The following LRRIQ3 variants were observed in gnomAD, a reference collection of about 807,000 sequenced individuals.
LRRIQ3 encodes the protein leucine-rich repeat and IQ domain-containing protein 3.
Under a neutral mutation model 59.3 loss-of-function variants are expected in LRRIQ3, and 75 were observed. The observed-to-expected ratio is 1.26, with a 90% CI of 1.05 to 1.53. The LOEUF (loss-of-function observed/expected upper bound fraction) is 1.53, where lower values mean the gene tolerates loss of function less well. LRRIQ3 is among the 40% of genes most tolerant of loss of function. The pLI is 0.00. For missense variants in LRRIQ3, 831 were observed against 710.0 expected, an observed-to-expected ratio of 1.17 and a Z score of -1.94; for synonymous variants, 250 against 231.3, an observed-to-expected ratio of 1.08 and a Z score of -0.73.
At chr1:74,186,829 G>T (rs1365865362) in intron 1 of LRRIQ3, among the ~76,000 whole-genome samples, 1 of 151,936 alleles carries the variant, frequency 6.6e-6, no homozygotes, top group African/African-American at 2.4e-5. Flanking sequence ...AAGTACTAGT[G>T]TAATTAAGGA....
chr1:74,055,180 T>TTATATATATATATATATATA (rs57279520), intron 6 of LRRIQ3, among the ~76,000 whole-genome samples: 2 of 139,970 alleles, frequency 1.4e-5, no homozygotes, highest in African/African-American at 5.3e-5. Context: ...CATATACACT[T>TTATATATATATATATATATA]TATATATATA....
In LRRIQ3 at chr1:74,110,759, A is replaced by C. The variant is rs75435938; in HGVS notation, c.708-1206T>G. ...TCCTTCATTCAAAATATTTGTATTA[A>C]TGACATACAAATTAGTTAAGGTAAA... On this transcript the variant is annotated intron_variant, in intron 4 of 7. Transcript: ENST00000354431. Among the ~76,000 whole-genome samples, 1,094 of 152,180 alleles carry C rather than the reference A, an allele frequency of 7.2e-3. 13 individuals are homozygous for C. The highest frequency in any genetic ancestry group is 0.025 in the African/African-American group (1,042 of 41,560).
intron 4 of LRRIQ3, among the ~76,000 whole-genome samples, chr1:74,116,472 G>T (rs1042933020): frequency 6.6e-6 from 1 of 151,716 alleles, no homozygotes; most frequent in African/African-American, 2.4e-5. Flanking sequence ...AATAACTTCA[G>T]CAATTTCAGA....
chr1:74,142,531 TAGCCA>T (rs1418895284), intron 4 of LRRIQ3, among the ~76,000 whole-genome samples: 1 of 151,980 alleles, frequency 6.6e-6, no homozygotes, highest in Non-Finnish European at 1.5e-5. Context: ...TTCGAGTAGG[TAGCCA>T]AAGCCTATGT....
chr1:74,121,007 C>T (rs1646847071), intron 4 of LRRIQ3, among the ~76,000 whole-genome samples: 1 of 152,032 alleles, frequency 6.6e-6, no homozygotes, highest in African/African-American at 2.4e-5. Flanking sequence ...TTTTATTACC[C>T]TGTCATGTAT....
chr1:74,059,191 A>T (rs1159864992), intron 6 of LRRIQ3, among the ~76,000 whole-genome samples: 2 of 151,806 alleles, frequency 1.3e-5, no homozygotes, highest in Non-Finnish European at 2.9e-5. Context: ...AAAGTGGTTT[A>T]TTTTTTCAAC....
intron 4 of LRRIQ3, among the ~76,000 whole-genome samples, chr1:74,152,019 A>G (rs1648020519): frequency 1.3e-5 from 2 of 152,320 alleles, no homozygotes; most frequent in African/African-American, 4.8e-5. Context: ...AAGAAAGTAA[A>G]GAGCATAACA....
chr1:74,090,316 C>T (rs1191049646), intron 5 of LRRIQ3, among the ~76,000 whole-genome samples: 1 of 102,652 alleles, frequency 9.7e-6, no homozygotes, highest in Non-Finnish European at 2.2e-5. Context: ...AATAAAAAAT[C>T]TACAAAATAG....
At chr1:74,164,372 A>G (rs917541142) in intron 3 of LRRIQ3, among the ~76,000 whole-genome samples, 2 of 151,516 alleles carry the variant, frequency 1.3e-5, no homozygotes, top group Admixed American at 1.3e-4. Flanking sequence ...ATTTGGACAC[A>G]AACACTTTCA....
rs534432424 is a variant in LRRIQ3 at position 74,144,480 on chromosome 1, T to G, written c.707+11253A>C. On this transcript the variant is annotated intron_variant, in intron 4 of 7. Transcript: ENST00000354431. ...CAACTTAAAAATTAGAAAAAAAATGTTTTTTTTTTCTCGCTTTCTTGGACA... is the reference window on the plus strand; with the variant it reads ...CAACTTAAAAATTAGAAAAAAAATGGTTTTTTTTTCTCGCTTTCTTGGACA... 48 of 330,956 alleles carry G rather than the reference T, an allele frequency of 1.5e-4. No individual in the cohort carries two copies. The East Asian group carries it at 3.1e-3, about 21-fold the overall frequency. 20.5% of individuals were successfully genotyped at this position (330,956 alleles called of 1,614,324 possible).
chr1:74,071,129 T>G (rs1459622146), intron 6 of LRRIQ3, among the ~76,000 whole-genome samples: 1 of 151,840 alleles, frequency 6.6e-6, no homozygotes, highest in African/African-American at 2.4e-5. Flanking sequence ...TTTGTATGTA[T>G]ATATAACTAT....
In LRRIQ3 at chr1:74,084,751, C is replaced by A. The variant is rs919042459; in HGVS notation, c.868-9961G>T. 2.0e-5 allele frequency among the ~76,000 whole-genome samples: 3 copies of A among 151,452 alleles called. No homozygotes were observed. In the Admixed American group the frequency reaches 2.0e-4, roughly 10 times the overall value. ...TTAATAGTAGTAAAAAGGAATATGC[C>A]GTAAAAAGTTGTTTATCCACCAAAA... On this transcript the variant is annotated intron_variant, in intron 5 of 7. Coordinates refer to ENST00000354431, the MANE Select transcript of LRRIQ3 (RefSeq NM_001105659.2).
chr1:74,093,403 A>G (rs1324908973), intron 5 of LRRIQ3, among the ~76,000 whole-genome samples: 1 of 152,108 alleles, frequency 6.6e-6, no homozygotes, highest in Non-Finnish European at 1.5e-5. Flanking sequence ...TGGGGGCAGA[A>G]ACAACTGTGT....
intron 4 of LRRIQ3, among the ~76,000 whole-genome samples, chr1:74,116,855 C>A (rs1646783574): frequency 6.6e-6 from 1 of 151,902 alleles, no homozygotes; most frequent in African/African-American, 2.4e-5. Flanking sequence ...GTATAAATTG[C>A]AGAAGCATGA....
At chr1:74,065,671 T>A (rs1327430061) in intron 6 of LRRIQ3, among the ~76,000 whole-genome samples, 1 of 152,132 alleles carries the variant, frequency 6.6e-6, no homozygotes, top group Non-Finnish European at 1.5e-5. Context: ...GCTAAAAATT[T>A]TATATTCCTG....
intron 6 of LRRIQ3, among the ~76,000 whole-genome samples, chr1:74,060,215 C>CTTG (rs1308333118): frequency 2.9e-4 from 7 of 24,314 alleles, no homozygotes; most frequent in African/African-American, 5.3e-4. Flanking sequence ...TCTTCTTCTT[C>CTTG]TTCTTGTTCT....
chr1:74,121,034 C>T (rs1646847307), intron 4 of LRRIQ3, among the ~76,000 whole-genome samples: 1 of 151,980 alleles, frequency 6.6e-6, no homozygotes. Flanking sequence ...TAAAATTGTA[C>T]CAACCTTATA....
chr1:74,058,342 A>T (rs762234207), intron 6 of LRRIQ3, among the ~76,000 whole-genome samples: 3 of 152,162 alleles, frequency 2.0e-5, no homozygotes, highest in Admixed American at 6.6e-5. Flanking sequence ...AGATGAATGG[A>T]TAATGAAAAT....
chr1:74,168,526 A>G (rs1338763013), intron 3 of LRRIQ3, among the ~76,000 whole-genome samples: 1 of 152,102 alleles, frequency 6.6e-6, no homozygotes, highest in Non-Finnish European at 1.5e-5. Flanking sequence ...AAAGTTTTGA[A>G]GCCCAATTTG....
Sources: allele counts gnomAD v4.1 joint callset (sites outside exome capture counted in the v4.1 genomes callset), GRCh38; gene constraint gnomAD v4.1.1; transcripts MANE v1.5; gene names NCBI Gene and HGNC (gene_info 2026-07-23, HGNC 2026-07-21).